NAA30: variants seen among roughly 807,000 people sequenced by gnomAD.
NAA30 encodes the protein N-alpha-acetyltransferase 30.
Under a neutral mutation model 31.4 loss-of-function variants are expected in NAA30, and 5 were observed. The ratio of observed to expected loss-of-function variants is 0.16; its 90% CI spans 0.08 to 0.33. NAA30 has a LOEUF of 0.33. NAA30 is among the 10% of genes least tolerant of loss of function. NAA30 has a pLI of 1.00. For synonymous variants in NAA30, 222 were observed against 207.1 expected (o/e 1.07, Z -0.62); for missense variants, 428 against 490.8 (o/e 0.87, Z 1.21).
In NAA30 at chr14:57,412,614, A is replaced by AC. The variant is rs1288377196; in HGVS notation, c.*3099dup. On this transcript the variant is annotated 3_prime_UTR_variant, in exon 5 of 5. Transcript: ENST00000556492. ...TATCACGTGTATCTCAAAATATTGG[A>AC]CTGCTGTTTGACTGGATATTGCTGC... 3.9e-5 allele frequency: 6 copies of AC among 152,110 alleles called. No individual in the cohort carries two copies. Among genetic ancestry groups the AC allele is most frequent in the Admixed American group, 2.0e-4 (3 of 15,280 alleles). The allele number at this position is 152,110 out of a possible 1,614,324, so 9.4% of individuals were successfully genotyped here. A position where few individuals can be genotyped will look rare whatever the true frequency, so the allele number is the denominator to read the frequency against.
intron 2 of NAA30, among the ~76,000 whole-genome samples, chr14:57,394,996 CTG>C (rs2066444852): frequency 6.6e-6 from 1 of 152,034 alleles, no homozygotes; most frequent in African/African-American, 2.4e-5. Context: ...TTATACGTGT[CTG>C]TATATACGCA....
chr14:57,399,260 G>A (rs901181455), intron 3 of NAA30, among the ~76,000 whole-genome samples: 1 of 152,158 alleles, frequency 6.6e-6, no homozygotes, highest in Non-Finnish European at 1.5e-5. Flanking sequence ...CCCTAAACTA[G>A]GATACATTTT....
chr14:57,414,006 T>G lies in NAA30; in HGVS notation c.*4490T>G, dbSNP rs1201585426. On this transcript the variant is annotated 3_prime_UTR_variant, in exon 5 of 5. Coordinates refer to ENST00000556492, the MANE Select transcript of NAA30 (RefSeq NM_001011713.3). ...GGGATGATTGAGCTGAATTTGTAAT[T>G]TTAATCAAAGTTAGCCACATGTGGC... 1 of 152,220 alleles carries G rather than the reference T, an allele frequency of 6.6e-6. No homozygotes were observed. Among genetic ancestry groups the G allele is most frequent in the Admixed American group, 6.5e-5 (1 of 15,276 alleles). 9.4% of individuals were successfully genotyped at this position (152,220 alleles called of 1,614,324 possible). A position where few individuals can be genotyped will look rare whatever the true frequency, so the allele number is the denominator to read the frequency against.
In NAA30 at chr14:57,410,887, A is replaced by C. The variant is rs910698051; in HGVS notation, c.*1371A>C. 1 of 152,570 alleles carries C rather than the reference A, an allele frequency of 6.6e-6. No homozygotes were observed. Among genetic ancestry groups the C allele is most frequent in the Non-Finnish European group, 1.5e-5 (1 of 67,992 alleles). The allele number at this position is 152,570 out of a possible 1,614,324, so 9.5% of individuals were successfully genotyped here. ...AAAACCTAGGTACCCATAAGAAAAA[A>C]GATTCATTCTCTGTGAAAACTGTAG... On this transcript the variant is annotated 3_prime_UTR_variant, in exon 5 of 5. Transcript: ENST00000556492.
intron 2 of NAA30, among the ~76,000 whole-genome samples, chr14:57,392,823 C>G (rs901173180): frequency 6.6e-6 from 1 of 152,152 alleles, no homozygotes; most frequent in Non-Finnish European, 1.5e-5. Flanking sequence ...CTTTTTGATT[C>G]TCTAGCTTGG....
At position 57,391,977 on chromosome 14, in the gene NAA30, T is replaced by TG. The variant is rs1395407848; in HGVS notation, c.771+254dup. On this transcript the variant is annotated intron_variant, in intron 2 of 4. Transcript: ENST00000556492. The surrounding 1 kb of genome is among the most constrained non-coding windows in gnomAD (Gnocchi z 4.1). ...TGTATGGTGGCGTGTTTCACTGGGG[T>TG]GGGGGTCTTGTGTCTTGTTTACATT... 6.6e-6 allele frequency among the ~76,000 whole-genome samples: 1 copy of TG among 151,988 alleles called. No homozygotes were observed. The highest frequency in any genetic ancestry group is 2.4e-5 in the African/African-American group (1 of 41,368).
Position 57,404,359 on chromosome 14 carries a change from G to A in NAA30, c.951+4476G>A, listed in dbSNP as rs547266804. Reference sequence around the variant, plus strand: ...AAAAAGAGTTTTTAGGTCGATTACTGTGAATATGAATAGCCAGAGATAACT... The same window carrying A: ...AAAAAGAGTTTTTAGGTCGATTACTATGAATATGAATAGCCAGAGATAACT... On this transcript the variant is annotated intron_variant, in intron 4 of 4. Coordinates refer to ENST00000556492, the MANE Select transcript of NAA30 (RefSeq NM_001011713.3). 3.3e-5 allele frequency among the ~76,000 whole-genome samples: 5 copies of A among 152,200 alleles called. No homozygotes were observed. In the South Asian group the frequency reaches 1.0e-3, roughly 32 times the overall value.
intron 3 of NAA30, among the ~76,000 whole-genome samples, chr14:57,399,550 A>G (rs1041602214): frequency 7.9e-5 from 12 of 152,212 alleles, no homozygotes; most frequent in Admixed American, 2.6e-4. Flanking sequence ...TTCAAACACA[A>G]TAGAACAAAC....
intron 4 of NAA30, among the ~76,000 whole-genome samples, chr14:57,405,802 C>T (rs1455785773): frequency 6.6e-6 from 1 of 152,198 alleles, no homozygotes; most frequent in East Asian, 1.9e-4. Context: ...AACAAGCCTG[C>T]TCTCCAGGAG....
intron 3 of NAA30, 117 bp downstream of exon 3, chr14:57,396,992 A>G: frequency 2.1e-6 from 2 of 952,458 alleles, no homozygotes; most frequent in Non-Finnish European, 2.9e-6. Context: ...AGGGAAGAAA[A>G]TTAAGGCGGG....
chr14:57,400,344 T>G (rs1433904742), intron 4 of NAA30, among the ~76,000 whole-genome samples: 1 of 152,226 alleles, frequency 6.6e-6, no homozygotes, highest in Non-Finnish European at 1.5e-5. Context: ...TATCTGCGCA[T>G]TAACATAAGA....
intron 3 of NAA30, among the ~76,000 whole-genome samples, chr14:57,398,373 C>T (rs1306456548): frequency 1.3e-5 from 2 of 152,170 alleles, no homozygotes; most frequent in African/African-American, 4.8e-5. Flanking sequence ...TTTTGGGTTG[C>T]ATCCTGGCCT....
chr14:57,404,058 A>G (rs959242351), intron 4 of NAA30, among the ~76,000 whole-genome samples: 2 of 152,154 alleles, frequency 1.3e-5, no homozygotes, highest in African/African-American at 4.8e-5. Flanking sequence ...ACGGTGTCTC[A>G]CGCCTGTAAT....
intron 3 of NAA30, among the ~76,000 whole-genome samples, chr14:57,397,644 G>A (rs919772650): frequency 6.6e-6 from 1 of 152,146 alleles, no homozygotes; most frequent in Admixed American, 6.5e-5. Context: ...AGGCCACCAG[G>A]TGCCGGGTGC....
chr14:57,393,179 A>G (rs1389049137), intron 2 of NAA30, among the ~76,000 whole-genome samples: 1 of 152,208 alleles, frequency 6.6e-6, no homozygotes, highest in East Asian at 1.9e-4. Flanking sequence ...TCCAGGAAAT[A>G]GTTGTGTATA....
At chr14:57,397,577 T>C (rs576663919) in intron 3 of NAA30, among the ~76,000 whole-genome samples, 1 of 152,310 alleles carries the variant, frequency 6.6e-6, no homozygotes, top group South Asian at 2.1e-4. Flanking sequence ...TAAGAACCAC[T>C]CTTCTATGGC....
At chr14:57,393,356 G>A (rs2066437831) in intron 2 of NAA30, among the ~76,000 whole-genome samples, 1 of 152,030 alleles carries the variant, frequency 6.6e-6, no homozygotes, top group South Asian at 2.1e-4. Flanking sequence ...GCTCAAGTTT[G>A]TTTAATATTC....
At chr14:57,403,042 G>A (rs1227599733) in intron 4 of NAA30, among the ~76,000 whole-genome samples, 2 of 152,096 alleles carry the variant, frequency 1.3e-5, no homozygotes, top group Non-Finnish European at 2.9e-5. Flanking sequence ...TTAGCTGGGC[G>A]TGGTGCCACA....
rs1594754365 is a variant in NAA30 at position 57,410,064 on chromosome 14, G to C, written c.*548G>C. On this transcript the variant is annotated 3_prime_UTR_variant, in exon 5 of 5. Transcript: ENST00000556492. The stretch of plus-strand genomic sequence containing the variant: ...GTGGGTATGTCTTACAATGAGTAAA[G>C]GTAACAATTAAATTTTGTCTGCCAG... The C allele has an allele frequency of 6.6e-6, 1 of 152,620 alleles. No homozygotes were observed. Among genetic ancestry groups the C allele is most frequent in the East Asian group, 1.9e-4 (1 of 5,188 alleles). 9.5% of individuals were successfully genotyped at this position (152,620 alleles called of 1,614,324 possible).
Sources: gnomAD v4.1 joint callset for allele counts (sites outside exome capture counted in the v4.1 genomes callset) on GRCh38, gnomAD v4.1.1 for gene constraint, Gnocchi (gnomAD v3.1) non-coding constraint, MANE v1.5 for transcripts, NCBI Gene and HGNC (gene_info 2026-07-23, HGNC 2026-07-21) for gene names.